CD99L2: variants seen among roughly 807,000 people sequenced by gnomAD.
The protein encoded by CD99L2 is CD99 antigen-like protein 2.
Under a neutral mutation model 27.3 loss-of-function variants are expected in CD99L2, and 24 were observed. The ratio of observed to expected loss-of-function variants is 0.88; its 90% CI spans 0.64 to 1.24. CD99L2 has a LOEUF of 1.24. CD99L2 is among the 50% of genes most tolerant of loss of function. CD99L2 has a pLI of 0.00. For missense variants in CD99L2, 255 were observed against 221.6 expected (o/e 1.15, Z -0.96); for synonymous variants, 97 against 87.9 (o/e 1.10, Z -0.58).
chrX:150,858,107 AAAG>A (rs1257910445), intron 1 of CD99L2, among the ~76,000 whole-genome samples: 14 of 112,587 alleles, frequency 1.2e-4, no homozygotes, highest in African/African-American at 4.5e-4. Context: ...TTAAAAAGAC[AAAG>A]AAGGTCATTG....
chrX:150,879,197 TTGAC>T (rs1421537022), intron 1 of CD99L2, among the ~76,000 whole-genome samples: 11 of 111,596 alleles, frequency 9.9e-5, no homozygotes, highest in Non-Finnish European at 1.7e-4. Flanking sequence ...ACACTCCAGT[TTGAC>T]TGAGAATTGA....
intron 9 of CD99L2, among the ~76,000 whole-genome samples, chrX:150,772,413 A>G (rs1269101313): frequency 8.9e-6 from 1 of 112,510 alleles, no homozygotes; most frequent in Non-Finnish European, 1.9e-5. Context: ...CTAGGTCAGG[A>G]CGGGGGACAG....
chrX:150,802,674 C>T (rs1330628610), intron 4 of CD99L2, among the ~76,000 whole-genome samples: 1 of 101,925 alleles, frequency 9.8e-6, no homozygotes, highest in Admixed American at 1.0e-4. Context: ...CTCTGCCTCC[C>T]AGGTTCACGC....
intron 1 of CD99L2, among the ~76,000 whole-genome samples, chrX:150,879,034 G>A (rs1217792909): frequency 1.8e-5 from 2 of 111,951 alleles, no homozygotes; most frequent in African/African-American, 6.5e-5. Context: ...CAAGGAGTGA[G>A]GTCACCCCTT....
intron 8 of CD99L2, 73 bp from the exon 9 acceptor site, chrX:150,776,366 C>T: frequency 1.8e-6 from 2 of 1,084,434 alleles, no homozygotes; most frequent in South Asian, 2.3e-5. Context: ...AGCCTGGGAG[C>T]CTGCTTCTCC....
chrX:150,824,846 C>A (rs1453129687), intron 2 of CD99L2, among the ~76,000 whole-genome samples: 2 of 111,947 alleles, frequency 1.8e-5, no homozygotes, highest in African/African-American at 6.5e-5. Context: ...TTAGTAAAAA[C>A]TGTATTTGGA....
At chrX:150,895,573 T>C (rs1024461792) in intron 1 of CD99L2, among the ~76,000 whole-genome samples, 22 of 111,184 alleles carry the variant, frequency 2.0e-4, no homozygotes, top group Non-Finnish European at 1.1e-4. Context: ...TCAGCAGGCC[T>C]ACCCAAAATG....
chrX:150,835,399 G>A lies in CD99L2; in HGVS notation c.68-4106C>T, dbSNP rs61122471. ...ATTTTTATTAGCCCGGCATGGTGGTGCACGCCTGTAGTCCCAATTACTTGG... is the reference window on the plus strand; with the variant it reads ...ATTTTTATTAGCCCGGCATGGTGGTACACGCCTGTAGTCCCAATTACTTGG... On this transcript the variant is annotated intron_variant, in intron 1 of 10. Coordinates refer to ENST00000370377, the MANE Select transcript of CD99L2 (RefSeq NM_031462.4). 4.4e-3 allele frequency among the ~76,000 whole-genome samples: 490 copies of A among 111,643 alleles called. 2 individuals carry two copies. Among genetic ancestry groups the A allele is most frequent in the African/African-American group, 0.015 (454 of 30,681 alleles).
chrX:150,892,072 T>A (rs2047521612), intron 1 of CD99L2, among the ~76,000 whole-genome samples: 1 of 108,964 alleles, frequency 9.2e-6, no homozygotes, highest in Admixed American at 9.8e-5. Context: ...ATACAAAAAA[T>A]TAGCCGGGTG....
chrX:150,824,001 AGAAGAGGAGGAGGAGGAAGAG>A (rs1255116924), intron 2 of CD99L2, among the ~76,000 whole-genome samples: 1 of 104,748 alleles, frequency 9.5e-6, no homozygotes, highest in Non-Finnish European at 2.0e-5. Context: ...AAGAAGAAGA[AGAAGAGGAGGAGGAGGAAGAG>A]GAAGAGGAGG....
intron 1 of CD99L2, among the ~76,000 whole-genome samples, chrX:150,839,163 T>C (rs2046584535): frequency 9.0e-6 from 1 of 111,295 alleles, no homozygotes; most frequent in Admixed American, 9.6e-5. Context: ...AAATAAAGCA[T>C]ATAATATACC....
At chrX:150,779,131 T>C (rs1557419384) in intron 7 of CD99L2, among the ~76,000 whole-genome samples, 1 of 112,185 alleles carries the variant, frequency 8.9e-6, no homozygotes, top group African/African-American at 3.2e-5. Context: ...CCACAAGGAT[T>C]CCCAGCAACT....
chrX:150,821,728 TAGG>T (rs2046245383), intron 2 of CD99L2, among the ~76,000 whole-genome samples: 1 of 112,104 alleles, frequency 8.9e-6, no homozygotes, highest in Non-Finnish European at 1.9e-5. Context: ...ATCTACAAAA[TAGG>T]AGAAAATTTG....
chrX:150,896,534 A>T (rs1399578968), intron 1 of CD99L2, among the ~76,000 whole-genome samples: 3 of 112,498 alleles, frequency 2.7e-5, no homozygotes. Context: ...GCCAGTGATA[A>T]TATCTAGCCT....
At chrX:150,778,367 T>C (rs1557419345) in intron 7 of CD99L2, among the ~76,000 whole-genome samples, 1 of 108,439 alleles carries the variant, frequency 9.2e-6, no homozygotes, top group East Asian at 2.9e-4. Context: ...CGCCCTGGGA[T>C]ATTGAAGGCA....
At chrX:150,897,935 G>A (rs2047638446) in intron 1 of CD99L2, among the ~76,000 whole-genome samples, 1 of 109,309 alleles carries the variant, frequency 9.1e-6, no homozygotes, top group Non-Finnish European at 1.9e-5. Flanking sequence ...TAAGAAACGT[G>A]CTTCCTTGAT....
At chrX:150,810,713 G>T (rs1208987648) in intron 4 of CD99L2, among the ~76,000 whole-genome samples, 1 of 112,162 alleles carries the variant, frequency 8.9e-6, no homozygotes, top group Non-Finnish European at 1.9e-5. Flanking sequence ...CCTTTAGCAA[G>T]ACTGACAAAG....
chrX:150,857,130 G>A (rs1300928852), intron 1 of CD99L2, among the ~76,000 whole-genome samples: 2 of 111,585 alleles, frequency 1.8e-5, no homozygotes, highest in Admixed American at 9.5e-5. Context: ...AAATCATAAA[G>A]TGACCAAATT....
intron 1 of CD99L2, among the ~76,000 whole-genome samples, chrX:150,878,003 C>T (rs1332007681): frequency 2.0e-5 from 2 of 101,419 alleles, no homozygotes; most frequent in Non-Finnish European, 4.1e-5. Flanking sequence ...CACACACACA[C>T]ACCAGTAGCT....
Sources: allele counts gnomAD v4.1 joint callset (sites outside exome capture counted in the v4.1 genomes callset), GRCh38; gene constraint gnomAD v4.1.1; transcripts MANE v1.5; gene names NCBI Gene and HGNC (gene_info 2026-07-23, HGNC 2026-07-21).